DPYD: variants seen among roughly 807,000 people sequenced by gnomAD.
The protein encoded by DPYD is dihydropyrimidine dehydrogenase.
Under a neutral mutation model 116.2 loss-of-function variants are expected in DPYD, and 109 were observed. That is an observed-to-expected ratio of 0.94 (90% CI 0.80 to 1.10). DPYD has a LOEUF of 1.10. Among genes scored for constraint, DPYD ranks in the 50% least tolerant of loss-of-function variants. The pLI is 0.00. For missense variants in DPYD, 1,302 were observed against 1,254.5 expected (o/e 1.04, Z -0.57); for synonymous variants, 440 against 432.0 (o/e 1.02, Z -0.23).
intron 8 of DPYD, among the ~76,000 whole-genome samples, chr1:97,665,888 C>T (rs1206869070): frequency 6.6e-6 from 1 of 152,124 alleles, no homozygotes; most frequent in Non-Finnish European, 1.5e-5. Flanking sequence ...TTTGTTATTT[C>T]CTGGCTGAAG....
intron 8 of DPYD, among the ~76,000 whole-genome samples, chr1:97,653,390 C>T (rs992735308): frequency 6.6e-6 from 1 of 151,128 alleles, no homozygotes; most frequent in Non-Finnish European, 1.5e-5. Context: ...CTGCAACCTC[C>T]GACTCCCGGG....
intron 3 of DPYD, among the ~76,000 whole-genome samples, chr1:97,788,869 T>C (rs961848814): frequency 1.7e-4 from 26 of 152,162 alleles, no homozygotes; most frequent in African/African-American, 6.0e-4. Flanking sequence ...CCAGGCACCA[T>C]CTCGGCTCAC....
At chr1:97,634,870 C>T (rs1657475224) in intron 8 of DPYD, among the ~76,000 whole-genome samples, 1 of 150,998 alleles carries the variant, frequency 6.6e-6, no homozygotes, top group South Asian at 2.1e-4. Context: ...CAAAGAGAAG[C>T]CCCTCAGGAC....
intron 1 of DPYD, among the ~76,000 whole-genome samples, chr1:97,900,166 A>T (rs1673290821): frequency 6.6e-6 from 1 of 151,838 alleles, no homozygotes; most frequent in Admixed American, 6.6e-5. Flanking sequence ...CTGCTTTTGG[A>T]GCTCTAGCTG....
intron 1 of DPYD, among the ~76,000 whole-genome samples, chr1:97,908,074 G>A (rs534386299): frequency 5.3e-5 from 8 of 151,820 alleles, no homozygotes; most frequent in Admixed American, 1.3e-4. Flanking sequence ...GAGACAAGGC[G>A]TCACTCTGTT....
At chr1:97,751,887 C>G (rs987214158) in intron 3 of DPYD, among the ~76,000 whole-genome samples, 1 of 151,742 alleles carries the variant, frequency 6.6e-6, no homozygotes, top group South Asian at 2.1e-4. Flanking sequence ...CTCAGCCTCC[C>G]GAGTAGCTGA....
At chr1:97,104,968 C>T (rs571243544) in intron 20 of DPYD, among the ~76,000 whole-genome samples, 2 of 152,064 alleles carry the variant, frequency 1.3e-5, no homozygotes, top group Admixed American at 1.3e-4. Context: ...GGGGCCCAGG[C>T]CACAAAGAGG....
At chr1:97,596,036 C>T (rs1654855753) in intron 8 of DPYD, among the ~76,000 whole-genome samples, 1 of 151,856 alleles carries the variant, frequency 6.6e-6, no homozygotes, top group South Asian at 2.1e-4. Context: ...AATACTGACA[C>T]ATGCAAATAA....
intron 16 of DPYD, among the ~76,000 whole-genome samples, chr1:97,333,850 T>C (rs1192097913): frequency 6.6e-6 from 1 of 152,102 alleles, no homozygotes; most frequent in Non-Finnish European, 1.5e-5. Context: ...TGAAAGTTGA[T>C]GGGTCCTAGC....
chr1:97,574,899 G>C (rs1490580585), intron 10 of DPYD, among the ~76,000 whole-genome samples: 34 of 152,106 alleles, frequency 2.2e-4, no homozygotes, highest in Admixed American at 2.2e-3. Context: ...TTTCCACTGA[G>C]GTTGTGTGTA....
At chr1:97,252,720 A>G (rs1241110852) in intron 18 of DPYD, among the ~76,000 whole-genome samples, 1 of 152,190 alleles carries the variant, frequency 6.6e-6, no homozygotes, top group Non-Finnish European at 1.5e-5. Flanking sequence ...AACAGAAATC[A>G]TATTAAACTA....
At chr1:97,307,602 A>C (rs1667248868) in intron 16 of DPYD, among the ~76,000 whole-genome samples, 1 of 151,928 alleles carries the variant, frequency 6.6e-6, no homozygotes, top group African/African-American at 2.4e-5. Flanking sequence ...TTTAAAAAGA[A>C]GTCTTTGGCT....
intron 20 of DPYD, among the ~76,000 whole-genome samples, chr1:97,178,733 G>C (rs1055428754): frequency 6.6e-6 from 1 of 152,162 alleles, no homozygotes; most frequent in African/African-American, 2.4e-5. Flanking sequence ...ACAGTTACAA[G>C]TTATCTGGAA....
At chr1:97,292,088 T>A (rs1570445383) in intron 18 of DPYD, among the ~76,000 whole-genome samples, 3 of 152,144 alleles carry the variant, frequency 2.0e-5, no homozygotes, top group African/African-American at 7.2e-5. Context: ...AGATGCTAAT[T>A]GAAAATATAT....
intron 16 of DPYD, among the ~76,000 whole-genome samples, chr1:97,363,598 T>C (rs1570597599): frequency 6.6e-6 from 1 of 152,188 alleles, no homozygotes; most frequent in Non-Finnish European, 1.5e-5. Flanking sequence ...GTGGCACATA[T>C]ACACCATGGA....
At chr1:97,859,912 A>C (rs1571484853) in intron 2 of DPYD, among the ~76,000 whole-genome samples, 1 of 152,196 alleles carries the variant, frequency 6.6e-6, no homozygotes, top group South Asian at 2.1e-4. Context: ...TATGGGAGAT[A>C]GAAATTCTAA....
At chr1:97,082,523 T>C in intron 21 of DPYD, 53 bp from the exon 22 acceptor site, 3 of 1,590,872 alleles carry the variant, frequency 1.9e-6, no homozygotes, top group Non-Finnish European at 1.7e-6. Flanking sequence ...CATTTTCATG[T>C]AATAATTAAT....
intron 22 of DPYD, among the ~76,000 whole-genome samples, chr1:97,081,422 ACTT>A (rs1237480163): frequency 6.6e-6 from 1 of 152,016 alleles, no homozygotes; most frequent in Admixed American, 6.6e-5. Context: ...TCCAAACTCT[ACTT>A]CTTAAGAAAT....
intron 16 of DPYD, among the ~76,000 whole-genome samples, chr1:97,362,165 C>A (rs998338432): frequency 2.6e-5 from 4 of 152,236 alleles, no homozygotes; most frequent in Non-Finnish European, 5.9e-5. Context: ...CAATAACGGA[C>A]AAACAGAGAG....
Sources: gnomAD v4.1 joint callset for allele counts (sites outside exome capture counted in the v4.1 genomes callset) on GRCh38, gnomAD v4.1.1 for gene constraint, MANE v1.5 for transcripts, NCBI Gene and HGNC (gene_info 2026-07-23, HGNC 2026-07-21) for gene names.